Variants in EPS8 observed in about 807,000 individuals in gnomAD.
The protein encoded by EPS8 is epidermal growth factor receptor kinase substrate 8.
A neutral mutation model predicts 103.8 loss-of-function variants in EPS8; 42 were observed. The observed-to-expected ratio is 0.40, with a 90% confidence interval of 0.32 to 0.52. The LOEUF (loss-of-function observed/expected upper bound fraction) is 0.52, where lower values mean the gene tolerates loss of function less well. Ranked by LOEUF, EPS8 falls within the 20% of genes least tolerant of loss-of-function variation. The pLI is 0.40. For missense variants in EPS8, 969 were observed against 1,005.1 expected, an observed-to-expected ratio of 0.96 and a Z score of 0.49; for synonymous variants, 344 against 344.6, an observed-to-expected ratio of 1.00 and a Z score of 0.02.
At chr12:15,775,884 G>C (rs191273667) in intron 1 of EPS8, among the ~76,000 whole-genome samples, 19 of 152,234 alleles carry the variant, frequency 1.2e-4, no homozygotes, top group African/African-American at 4.6e-4. Context: ...TTCCAGGACT[G>C]TTAGATCAAG....
intron 17 of EPS8, among the ~76,000 whole-genome samples, chr12:15,636,090 G>A (rs1352267993): frequency 6.6e-6 from 1 of 152,122 alleles, no homozygotes; most frequent in South Asian, 2.1e-4. Context: ...GGGCAAAAGG[G>A]TAATTCTAGC....
At chr12:15,675,740 A>T (rs1419298633) in intron 3 of EPS8, among the ~76,000 whole-genome samples, 1 of 152,262 alleles carries the variant, frequency 6.6e-6, no homozygotes, top group Non-Finnish European at 1.5e-5. Context: ...TGGTAATTCA[A>T]TGAAATGAGT....
In EPS8 at chr12:15,772,761, A is replaced by AAG. The variant is rs1405554703; in HGVS notation, c.-22+16398_-22+16399dup. Among the ~76,000 whole-genome samples the AAG allele has an allele frequency of 3.3e-5, 5 of 152,166 alleles. No homozygotes were observed. The highest frequency in any genetic ancestry group is 1.5e-5 in the Non-Finnish European group (1 of 68,018). On this transcript the variant is annotated intron_variant, in intron 1 of 20. Coordinates refer to ENST00000281172, the MANE Select transcript of EPS8 (RefSeq NM_004447.6). The surrounding 1 kb of genome is among the most constrained non-coding windows in gnomAD (Gnocchi z 5.0). ...ACAGCACCACCACAGGAGCCAAAGG[A>AAG]AGAGAATATTCTTTTTATTTAAAAG...
At position 15,779,380 on chromosome 12, in the gene EPS8, T is replaced by C. The variant is rs985595269; in HGVS notation, c.-22+9781A>G. Among the ~76,000 whole-genome samples the C allele has an allele frequency of 2.6e-5, 4 of 152,244 alleles. No individual in the cohort carries two copies. The highest frequency in any genetic ancestry group is 1.9e-4 in the East Asian group (1 of 5,204). On this transcript the variant is annotated intron_variant, in intron 1 of 20. Coordinates refer to ENST00000281172, the MANE Select transcript of EPS8 (RefSeq NM_004447.6). The surrounding 1 kb of genome is among the most constrained non-coding windows in gnomAD (Gnocchi z 4.3). The stretch of plus-strand genomic sequence containing the variant: ...AATTCTAAAAGAGCACTTAAAATCA[T>C]CTTATTGTACATTCAGGTCTAAAAT...
intron 1 of EPS8, among the ~76,000 whole-genome samples, chr12:15,724,043 A>T (rs1191682057): frequency 2.0e-5 from 3 of 152,182 alleles, no homozygotes; most frequent in African/African-American, 4.8e-5. Flanking sequence ...TTAACAGAAA[A>T]ATTCTATGGC....
Position 15,660,515 on chromosome 12 carries a change from C to T in EPS8, c.937+99G>A, listed in dbSNP as rs146612691. ...CTGACCTTAGATGATACACCCGCCTCGGCCTCCCAAAGTGCTGGGATTACA... is the reference window on the plus strand; with the variant it reads ...CTGACCTTAGATGATACACCCGCCTTGGCCTCCCAAAGTGCTGGGATTACA... On this transcript the variant is annotated intron_variant, in intron 10 of 20. Transcript: ENST00000281172. 0.029 allele frequency: 20,863 copies of T among 729,018 alleles called. 415 individuals carry two copies. Among genetic ancestry groups the T allele is most frequent in the Non-Finnish European group, 0.036 (14,498 of 399,318 alleles). The allele number at this position is 729,018 out of a possible 1,614,324, so 45.2% of individuals were successfully genotyped here.
intron 1 of EPS8, among the ~76,000 whole-genome samples, chr12:15,705,276 T>C (rs369251829): frequency 3.9e-5 from 6 of 152,300 alleles, no homozygotes; most frequent in African/African-American, 1.4e-4. Context: ...GGAGATAAAA[T>C]AAGAAAATGA....
In EPS8 at chr12:15,736,692, A is replaced by T. The variant is rs1242323265; in HGVS notation, c.-22+52469T>A. Among the ~76,000 whole-genome samples, 1 of 152,222 alleles carries T rather than the reference A, an allele frequency of 6.6e-6. No individual in the cohort carries two copies. The highest frequency in any genetic ancestry group is 1.5e-5 in the Non-Finnish European group (1 of 68,036). On this transcript the variant is annotated intron_variant, in intron 1 of 20. Transcript: ENST00000281172. This position sits in a 1 kb window ranked among gnomAD's most constrained non-coding sequence, Gnocchi z 4.2. ...TTGCTAGATGTGGCAGAAAGAAGAA[A>T]GAAATTGGTGTATTATGATAATGAG...
At chr12:15,628,851 A>G (rs1944994311) in intron 18 of EPS8, among the ~76,000 whole-genome samples, 1 of 152,226 alleles carries the variant, frequency 6.6e-6, no homozygotes, top group African/African-American at 2.4e-5. Flanking sequence ...TTTGAGAGAA[A>G]TTTGGCTATC....
rs777140818 is a variant in EPS8 at position 15,647,305 on chromosome 12, T to C, written c.1435-45A>G. 6.4e-6 allele frequency: 10 copies of C among 1,567,066 alleles called. No homozygotes were observed. The East Asian group carries it at 1.6e-4, about 25-fold the overall frequency. Reference sequence around the variant, plus strand: ...AGATTAAAGAATCACCAAATACTATTTGAATCAGCACTCAGGTCAGTCAAC... The same window carrying C: ...AGATTAAAGAATCACCAAATACTATCTGAATCAGCACTCAGGTCAGTCAAC... On this transcript the variant is annotated intron_variant, in intron 14 of 20. Coordinates refer to ENST00000281172, the MANE Select transcript of EPS8 (RefSeq NM_004447.6).
chr12:15,632,364 T>C (rs1945062187), intron 17 of EPS8, among the ~76,000 whole-genome samples: 1 of 152,204 alleles, frequency 6.6e-6, no homozygotes, highest in African/African-American at 2.4e-5. Context: ...TTTAATAATT[T>C]TAAAATCATG....
At chr12:15,786,842 C>G (rs1362071539) in intron 1 of EPS8, among the ~76,000 whole-genome samples, 1 of 152,094 alleles carries the variant, frequency 6.6e-6, no homozygotes, top group Non-Finnish European at 1.5e-5. Flanking sequence ...CAAACAATTT[C>G]ATGTAGTATT....
rs2136053720 is a variant in EPS8 at position 15,780,305 on chromosome 12, T to C, written c.-22+8856A>G. Among the ~76,000 whole-genome samples the C allele has an allele frequency of 6.6e-6, 1 of 152,272 alleles. No individual in the cohort carries two copies. Among genetic ancestry groups the C allele is most frequent in the Admixed American group, 6.5e-5 (1 of 15,296 alleles). On this transcript the variant is annotated intron_variant, in intron 1 of 20. Coordinates refer to ENST00000281172, the MANE Select transcript of EPS8 (RefSeq NM_004447.6). The surrounding 1 kb of genome is among the most constrained non-coding windows in gnomAD (Gnocchi z 4.1). ...GCAGAATTTCCCACCACTCCCATCA[T>C]GCCAACCTATTCCGCACATGTCAAA...
At chr12:15,723,113 C>T (rs763616485) in intron 1 of EPS8, among the ~76,000 whole-genome samples, 1 of 152,044 alleles carries the variant, frequency 6.6e-6, no homozygotes, top group Non-Finnish European at 1.5e-5. Context: ...CACTTGAACC[C>T]AGCCTGGGCA....
intron 10 of EPS8, among the ~76,000 whole-genome samples, chr12:15,660,350 G>A (rs1268060126): frequency 6.6e-6 from 1 of 150,532 alleles, no homozygotes; most frequent in Non-Finnish European, 1.5e-5. Flanking sequence ...TGCAACCTCC[G>A]CCTGCTAGGT....
intron 17 of EPS8, among the ~76,000 whole-genome samples, chr12:15,635,341 A>G (rs1422381679): frequency 2.0e-5 from 3 of 152,204 alleles, no homozygotes; most frequent in Non-Finnish European, 4.4e-5. Context: ...TCTCTGGGAA[A>G]ATGTCAATAC....
rs1292011193 is a variant in EPS8, at chr12:15,733,139, C to T, written c.-21-50167G>A. ...TTTTCACACTGCTATAAAGATACTA[C>T]ACAAGATTGGGTAATTTATAAAGGA... On this transcript the variant is annotated intron_variant, in intron 1 of 20. Transcript: ENST00000281172. The surrounding 1 kb of genome is among the most constrained non-coding windows in gnomAD (Gnocchi z 4.8). 6.6e-6 allele frequency among the ~76,000 whole-genome samples: 1 copy of T among 152,138 alleles called. No homozygotes were observed. The highest frequency in any genetic ancestry group is 2.4e-5 in the African/African-American group (1 of 41,410).
intron 4 of EPS8, 109 bp from the exon 5 acceptor site, chr12:15,669,934 G>C: frequency 2.7e-6 from 2 of 747,978 alleles, no homozygotes; most frequent in South Asian, 3.0e-5. Context: ...AGCTAGCAGA[G>C]AACGACAAAC....
chr12:15,663,974 T>TACAC (rs1198082133), intron 8 of EPS8, among the ~76,000 whole-genome samples: 1 of 58,650 alleles, frequency 1.7e-5, no homozygotes, highest in African/African-American at 5.4e-5. Flanking sequence ...TATATATATA[T>TACAC]ATACACACAC....
Sources: gnomAD v4.1 joint callset for allele counts (sites outside exome capture counted in the v4.1 genomes callset) on GRCh38, gnomAD v4.1.1 for gene constraint, Gnocchi (gnomAD v3.1) non-coding constraint, MANE v1.5 for transcripts, NCBI Gene and HGNC (gene_info 2026-07-23, HGNC 2026-07-21) for gene names.